JCAD: variants seen among roughly 807,000 people sequenced by gnomAD.
The protein encoded by JCAD is junctional cadherin 5 associated, also known as junctional cadherin 5-associated protein.
A neutral mutation model predicts 98.0 loss-of-function variants in JCAD; 40 were observed. That is an observed-to-expected ratio of 0.41 (90% CI 0.32 to 0.53). The LOEUF (loss-of-function observed/expected upper bound fraction) is 0.53. Ranked by LOEUF, JCAD falls within the 20% of genes least tolerant of loss-of-function variation. JCAD has a pLI of 0.31. For synonymous variants in JCAD, 691 were observed against 682.3 expected (o/e 1.01, Z -0.20); for missense variants, 1,705 against 1,738.1 (o/e 0.98, Z 0.34).
chr10:30,105,802 A>G (rs942116119), intron 1 of JCAD, among the ~76,000 whole-genome samples: 1 of 152,226 alleles, frequency 6.6e-6, no homozygotes, highest in Admixed American at 6.5e-5. Context: ...ATCATCTGCT[A>G]TGATAAATTA....
At chr10:30,023,722 A>G (rs1299937434) in intron 3 of JCAD, among the ~76,000 whole-genome samples, 1 of 152,130 alleles carries the variant, frequency 6.6e-6, no homozygotes, top group Non-Finnish European at 1.5e-5. Flanking sequence ...TCTGCTTGTT[A>G]GTAGCAGTGG....
chr10:30,019,568 T>C lies in JCAD; in HGVS notation c.4046-1651A>G, dbSNP rs1297883434. Among the ~76,000 whole-genome samples, 4 of 130,256 alleles carry C rather than the reference T, an allele frequency of 3.1e-5. No homozygotes were observed. In the East Asian group the frequency reaches 8.6e-4, roughly 28 times the overall value. The allele number at this position is 130,256 out of a possible 152,430, so 85.5% of individuals were successfully genotyped here. A position where few individuals can be genotyped will look rare whatever the true frequency, so the allele number is the denominator to read the frequency against. ...GAATCATTTAAAAAAAAAAAAAAAG[T>C]TGAAATCACAGTAACAGAGAGTAGA... On this transcript the variant is annotated intron_variant, in intron 3 of 3. Transcript: ENST00000375377.
At position 30,028,978 on chromosome 10, in the gene JCAD, G is replaced by A; in HGVS notation, c.1170C>T (p.Pro390=). The change falls in exon 3 of 4, where the codon CCC becomes CCT. Residue 390 remains proline, a synonymous_variant. Transcript: ENST00000375377. ...CACCATACTCATTCCCAGTTCCAGG[G>A]GGGCCTGAAGGAGGCTGACCGCTGG... is the stretch of plus-strand genomic sequence containing the variant. ...AGASGQPPSG[P]PGTGNEYGVS... 3.1e-6 allele frequency: 5 copies of A among 1,614,020 alleles called. No individual in the cohort carries two copies. The highest frequency in any genetic ancestry group is 4.2e-6 in the Non-Finnish European group (5 of 1,180,026).
At chr10:30,043,632 G>A (rs76796472) in intron 2 of JCAD, among the ~76,000 whole-genome samples, 174 of 152,284 alleles carry the variant, frequency 1.1e-3, no homozygotes, top group Non-Finnish European at 1.9e-3. Flanking sequence ...GCTGTCACAC[G>A]TCCATGCATG....
chr10:30,057,732 C>T (rs990758836), intron 1 of JCAD, among the ~76,000 whole-genome samples: 1 of 152,182 alleles, frequency 6.6e-6, no homozygotes, highest in Non-Finnish European at 1.5e-5. Context: ...CCACTCCAGG[C>T]GGAGTAACAG....
rs762508908 is a variant in JCAD, at chr10:30,028,780, A to G, written c.1368T>C (p.Ser456=). 1 of 1,614,188 alleles carries G rather than the reference A, an allele frequency of 6.2e-7. No individual in the cohort carries two copies. Reference sequence around the variant, plus strand: ...GAGCCGGCTCTTGAGCAGTGACAGGACTGGAGTTATATGATTTATCGTCAA... The same window carrying G: ...GAGCCGGCTCTTGAGCAGTGACAGGGCTGGAGTTATATGATTTATCGTCAA... The part of the protein sequence containing the change: ...IKLDDKSYNS[S]PVTAQEPAHG... Residue 456 remains serine (S), a synonymous_variant, in exon 3 of 4, where the codon AGT becomes AGC. Transcript: ENST00000375377.
intron 3 of JCAD, among the ~76,000 whole-genome samples, chr10:30,022,134 T>C (rs1692853546): frequency 6.6e-6 from 1 of 152,056 alleles, no homozygotes; most frequent in Non-Finnish European, 1.5e-5. Flanking sequence ...CCCGAACTCG[T>C]TTTGGGCTGT....
At chr10:30,093,246 G>A (rs986260041) in intron 1 of JCAD, among the ~76,000 whole-genome samples, 3 of 152,170 alleles carry the variant, frequency 2.0e-5, no homozygotes, top group African/African-American at 7.2e-5. Context: ...CCATAAGCAA[G>A]GGAATTGATT....
chr10:30,026,520 G>T lies in JCAD; in HGVS notation c.3628C>A (p.Pro1210Thr). The T allele has an allele frequency of 6.2e-7, 1 of 1,614,248 alleles. No individual in the cohort carries two copies. The highest frequency in any genetic ancestry group is 8.5e-7 in the Non-Finnish European group (1 of 1,180,046). Residue 1210 changes from proline (P) to threonine (T), a missense_variant, in exon 3 of 4, where the codon CCA becomes ACA. By Grantham distance (38) the Pro-to-Thr change is conservative. Coordinates refer to ENST00000375377, the MANE Select transcript of JCAD (RefSeq NM_020848.4). ...TGGAATAAAGTGGACCTGAAGGGTG[G>T]TTTTGTTTCCACATCCTTTTGTTCG... The part of the protein sequence containing the change: ...FFEQKDVETK[P>T]PFRSTLFHFV...
At chr10:30,099,033 G>A (rs900644694) in intron 1 of JCAD, among the ~76,000 whole-genome samples, 2 of 152,086 alleles carry the variant, frequency 1.3e-5, no homozygotes, top group African/African-American at 4.8e-5. Context: ...TTAGATAGCT[G>A]CATTATCTTT....
intron 1 of JCAD, among the ~76,000 whole-genome samples, chr10:30,110,483 T>C (rs1838673624): frequency 6.6e-6 from 1 of 151,366 alleles, no homozygotes; most frequent in African/African-American, 2.4e-5. Context: ...AACCTCCTGA[T>C]GTATGCCCTC....
intron 1 of JCAD, among the ~76,000 whole-genome samples, chr10:30,110,771 T>C (rs1838681826): frequency 6.6e-6 from 1 of 151,964 alleles, no homozygotes; most frequent in Admixed American, 6.6e-5. Flanking sequence ...CACCAATATA[T>C]GGACCAGTTG....
At chr10:30,024,276 C>T (rs1343966866) in intron 3 of JCAD, among the ~76,000 whole-genome samples, 2 of 152,184 alleles carry the variant, frequency 1.3e-5, no homozygotes, top group Non-Finnish European at 2.9e-5. Context: ...TTATTTTAAA[C>T]TCCTTACAAT....
rs1204039747 is a variant in JCAD at position 30,076,863 on chromosome 10, T to C, written n.129-7042A>G. Among the ~76,000 whole-genome samples, 38 of 152,084 alleles carry C rather than the reference T, an allele frequency of 2.5e-4. 2 individuals carry two copies. Among genetic ancestry groups the C allele is most frequent in the Admixed American group, 2.5e-3 (38 of 15,258 alleles). ...AGAAACAAAAGACATACTCTAAGCTTGTGCGAACCAGCTAGGAGGGCCGAA... is the reference window on the plus strand; with the variant it reads ...AGAAACAAAAGACATACTCTAAGCTCGTGCGAACCAGCTAGGAGGGCCGAA... On this transcript the variant is annotated intron_variant and non_coding_transcript_variant, in intron 1 of 2. Transcript: ENST00000465712.
chr10:30,023,276 G>A (rs1836704660), intron 3 of JCAD, among the ~76,000 whole-genome samples: 1 of 152,088 alleles, frequency 6.6e-6, no homozygotes. Context: ...GACCTCAAGT[G>A]ATCCACCCAC....
chr10:30,103,817 C>T lies in JCAD; in HGVS notation n.128+11550G>A, dbSNP rs542213654. Among the ~76,000 whole-genome samples the T allele has an allele frequency of 7.3e-5, 11 of 151,334 alleles. No homozygotes were observed. The South Asian group carries it at 1.0e-3, about 14-fold the overall frequency. ...CGCAATCTTGGCTCACTGCAACCTC[C>T]GCCTCCTGGGTTCAAGCGATTCTCC... On this transcript the variant is annotated intron_variant and non_coding_transcript_variant, in intron 1 of 2. Coordinates refer to the JCAD transcript ENST00000465712.
intron 1 of JCAD, among the ~76,000 whole-genome samples, chr10:30,096,089 C>G (rs1041284963): frequency 6.6e-6 from 1 of 152,210 alleles, no homozygotes; most frequent in Non-Finnish European, 1.5e-5. Flanking sequence ...ATCCACACAG[C>G]CATCAGAGGG....
chr10:30,064,635 C>T (rs1177167359), intron 2 of JCAD, among the ~76,000 whole-genome samples: 1 of 151,820 alleles, frequency 6.6e-6, no homozygotes, highest in Non-Finnish European at 1.5e-5. Flanking sequence ...CTAAATGAAA[C>T]TTTGTACCCA....
chr10:30,046,739 C>T (rs974083334), intron 2 of JCAD, among the ~76,000 whole-genome samples: 1 of 152,178 alleles, frequency 6.6e-6, no homozygotes, highest in Non-Finnish European at 1.5e-5. Context: ...ATTGAAGGCC[C>T]ATTATGGCCA....
Sources: gnomAD v4.1 joint callset for allele counts (sites outside exome capture counted in the v4.1 genomes callset) on GRCh38, gnomAD v4.1.1 for gene constraint, MANE v1.5 for transcripts, NCBI Gene and HGNC (gene_info 2026-07-23, HGNC 2026-07-21) for gene names.